Variants in SLC22A11 observed in about 807,000 individuals in gnomAD.
SLC22A11 encodes the protein solute carrier family 22 member 11.
In SLC22A11, 42 loss-of-function variants were observed where a neutral mutation model predicts 49.4. The ratio of observed to expected loss-of-function variants is 0.85; its 90% CI spans 0.66 to 1.10. The LOEUF (loss-of-function observed/expected upper bound fraction) is 1.10, where lower values mean the gene tolerates loss of function less well. SLC22A11 is among the 50% of genes least tolerant of loss of function. The probability of loss-of-function intolerance (pLI) is 0.00; values close to 1 mark genes in which losing one functional copy is unlikely to be tolerated. For missense variants in SLC22A11, 685 were observed against 731.6 expected, an observed-to-expected ratio of 0.94 and a Z score of 0.74; for synonymous variants, 304 against 315.8, an observed-to-expected ratio of 0.96 and a Z score of 0.40.
rs535444153 is a variant in SLC22A11 at position 64,570,840 on chromosome 11, C to T, written c.1590-139C>T. ...ACCTACTATGTTTCAGGCACTGTCC[C>T]GCTTGGGTACACAGAAGGGAGTAAA... is the stretch of plus-strand genomic sequence containing the variant. On this transcript the variant is annotated intron_variant, in intron 9 of 9. Transcript: ENST00000301891. The T allele has an allele frequency of 1.2e-5, 9 of 723,566 alleles. No homozygotes were observed. The Admixed American group carries it at 1.2e-4, about 10-fold the overall frequency. The allele number at this position is 723,566 out of a possible 1,614,324, so 44.8% of individuals were successfully genotyped here.
rs2038680496 is a variant in SLC22A11 at position 64,569,819 on chromosome 11, G to A, written c.1550G>A (p.Gly517Glu). 8.7e-6 allele frequency: 14 copies of A among 1,613,722 alleles called. No homozygotes were observed. Among genetic ancestry groups the A allele is most frequent in the Non-Finnish European group, 1.2e-5 (14 of 1,180,042 alleles). ...VVLFFLPETQ[G>E]LPLPDTIQDL... ...CTGTTCTTCCTCCCGGAGACCCAGGGACTTCCGCTCCCTGACACTATCCAG... is the reference window on the plus strand; with the variant it reads ...CTGTTCTTCCTCCCGGAGACCCAGGAACTTCCGCTCCCTGACACTATCCAG... Residue 517 changes from glycine (G) to glutamate (E), a missense_variant, in exon 9 of 10, where the codon GGA becomes GAA. Gly to Glu is a moderately conservative substitution (Grantham distance 98). Transcript: ENST00000301891.
intron 6 of SLC22A11, 72 bp from the exon 7 acceptor site, chr11:64,567,527 G>A (rs1010680752): frequency 2.8e-6 from 4 of 1,413,502 alleles, no homozygotes; most frequent in East Asian, 2.3e-5. Context: ...AGCTCCTGGT[G>A]GGAGGTGCTG....
chr11:64,566,229 G>A (rs1404896602), intron 6 of SLC22A11: 1 of 151,732 alleles, frequency 6.6e-6, no homozygotes, highest in African/African-American at 2.4e-5. Flanking sequence ...CTGGGCGACA[G>A]GGCAAGATTC....
Position 64,559,250 on chromosome 11 carries a change from C to T in SLC22A11, c.497+12C>T, listed in dbSNP as rs757786480. ...CTCCTCTCCTACCGGTGAGTGCCTC[C>T]GCTCCTCCCAGCCCCCAGCTCCCTC... is the stretch of plus-strand genomic sequence containing the variant. On this transcript the variant is annotated intron_variant, in intron 2 of 9. Transcript: ENST00000301891. 3.3e-5 allele frequency: 52 copies of T among 1,559,324 alleles called. No individual in the cohort carries two copies. The highest frequency in any genetic ancestry group is 1.7e-4 in the Middle Eastern group (1 of 5,866).
chr11:64,556,461 G>A, intron 1 of SLC22A11, 69 bp downstream of exon 1: 1 of 1,565,784 alleles, frequency 6.4e-7, no homozygotes, highest in Admixed American at 1.8e-5. Flanking sequence ...CAGGTTGGTT[G>A]GACTCCAAGG....
At position 64,562,349 on chromosome 11, in the gene SLC22A11, G is replaced by A. The variant is rs149251529; in HGVS notation, c.735G>A (p.Leu245=). ...CCTTCAGCGCAGGCCAGGCGGCGCT[G>A]GGCGGCCTGGCCTTTGCCCTGCGGG... ...GCAFSAGQAA[L]GGLAFALRDW... is the part of the protein sequence containing the mutation. Residue 245 remains leucine, a synonymous_variant, in exon 4 of 10, where the codon CTG becomes CTA. Transcript: ENST00000301891. The surrounding 1 kb of genome is among the most constrained non-coding windows in gnomAD (Gnocchi z 4.4). The A allele has an allele frequency of 4.3e-6, 7 of 1,611,408 alleles. No individual in the cohort carries two copies. The highest frequency in any genetic ancestry group is 5.9e-6 in the Non-Finnish European group (7 of 1,178,966).
intron 7 of SLC22A11, among the ~76,000 whole-genome samples, chr11:64,568,069 T>G (rs1157881252): frequency 6.6e-6 from 1 of 152,214 alleles, no homozygotes; most frequent in Non-Finnish European, 1.5e-5. Flanking sequence ...GAGGCTGCCT[T>G]GCGGCTGGCA....
chr11:64,572,714 A>G lies in SLC22A11; in HGVS notation c.*1672A>G, dbSNP rs2038719680. On this transcript the variant is annotated 3_prime_UTR_variant, in exon 10 of 10. Coordinates refer to ENST00000301891, the MANE Select transcript of SLC22A11 (RefSeq NM_018484.4). ...CCAAACCAAATCCCTCCCTGCTGAAAGCCCTCCAGTGGCTCACAATAAGGA... is the reference window on the plus strand; with the variant it reads ...CCAAACCAAATCCCTCCCTGCTGAAGGCCCTCCAGTGGCTCACAATAAGGA... 1 of 152,210 alleles carries G rather than the reference A, an allele frequency of 6.6e-6. No homozygotes were observed. Among genetic ancestry groups the G allele is most frequent in the South Asian group, 2.1e-4 (1 of 4,832 alleles). 9.4% of individuals were successfully genotyped at this position (152,210 alleles called of 1,614,324 possible).
intron 9 of SLC22A11, 85 bp from the exon 10 acceptor site, chr11:64,570,894 A>T (rs1156827744): frequency 7.4e-7 from 1 of 1,357,042 alleles, no homozygotes; most frequent in African/African-American, 1.4e-5. Context: ...TTACCCCCCA[A>T]TAAGACTTGA....
chr11:64,559,322 C>T (rs993108693), intron 2 of SLC22A11, 84 bp downstream of exon 2: 23 of 1,104,560 alleles, frequency 2.1e-5, no homozygotes, highest in East Asian at 1.4e-4. Context: ...AAATGTCAGG[C>T]AAACACCCCA....
At chr11:64,558,168 G>A (rs948475203) in intron 1 of SLC22A11, among the ~76,000 whole-genome samples, 15 of 152,094 alleles carry the variant, frequency 9.9e-5, no homozygotes, top group Admixed American at 2.0e-4. Context: ...TTCCTGAGCC[G>A]AAAGGATCCT....
In SLC22A11 at chr11:64,571,316, G is replaced by A. The variant is rs1326837568; in HGVS notation, c.*274G>A. Reference sequence around the variant, plus strand: ...GGCCATGCCCAACCAATAACGAGACGGTTCCCCTCCCTTTCCCTGCCAGGC... The same window carrying A: ...GGCCATGCCCAACCAATAACGAGACAGTTCCCCTCCCTTTCCCTGCCAGGC... On this transcript the variant is annotated 3_prime_UTR_variant, in exon 10 of 10. Transcript: ENST00000301891. 2.0e-5 allele frequency: 9 copies of A among 450,482 alleles called. No homozygotes were observed. The East Asian group carries it at 2.3e-4, about 11-fold the overall frequency. 27.9% of individuals were successfully genotyped at this position (450,482 alleles called of 1,614,324 possible).
In SLC22A11 at chr11:64,565,806, G is replaced by A; in HGVS notation, c.1058+469G>A. On this transcript the variant is annotated intron_variant, in intron 6 of 9. Coordinates refer to ENST00000301891, the MANE Select transcript of SLC22A11 (RefSeq NM_018484.4). The surrounding 1 kb of genome is among the most constrained non-coding windows in gnomAD (Gnocchi z 4.1). ...TGATGGGGAAAGAGGATCCCAGAGGGGTAAGGAACAAGCCCAAAATAATAG... is the reference window on the plus strand; with the variant it reads ...TGATGGGGAAAGAGGATCCCAGAGGAGTAAGGAACAAGCCCAAAATAATAG... The A allele has an allele frequency of 3.0e-6, 1 of 335,792 alleles. No individual in the cohort carries two copies. Among genetic ancestry groups the A allele is most frequent in the South Asian group, 2.4e-5 (1 of 41,594 alleles). The allele number at this position is 335,792 out of a possible 1,614,324, so 20.8% of individuals were successfully genotyped here. A position where few individuals can be genotyped will look rare whatever the true frequency, so the allele number is the denominator to read the frequency against.
At chr11:64,569,348 T>A (rs960696244) in intron 8 of SLC22A11, among the ~76,000 whole-genome samples, 2 of 152,148 alleles carry the variant, frequency 1.3e-5, no homozygotes, top group Non-Finnish European at 2.9e-5. Flanking sequence ...GGACAAGCAT[T>A]TATTGATTTT....
In SLC22A11 at chr11:64,564,767, A is replaced by T. The variant is rs1591375107; in HGVS notation, c.942+339A>T. On this transcript the variant is annotated intron_variant, in intron 5 of 9. Coordinates refer to ENST00000301891, the MANE Select transcript of SLC22A11 (RefSeq NM_018484.4). The surrounding 1 kb of genome is among the most constrained non-coding windows in gnomAD (Gnocchi z 4.2). ...CTCCACCACCTTCACCACCATCGTC[A>T]CCATCGGTAACAGCACCATCATTAT... Among the ~76,000 whole-genome samples, 4 of 151,976 alleles carry T rather than the reference A, an allele frequency of 2.6e-5. No individual in the cohort carries two copies. Among genetic ancestry groups the T allele is most frequent in the Admixed American group, 1.3e-4 (2 of 15,258 alleles).
chr11:64,557,782 C>T (rs995678639), intron 1 of SLC22A11, among the ~76,000 whole-genome samples: 3 of 150,248 alleles, frequency 2.0e-5, no homozygotes, highest in Non-Finnish European at 4.4e-5. Context: ...TAGGCACATA[C>T]CACCATGCCC....
Position 64,564,498 on chromosome 11 carries a change from C to T in SLC22A11, c.942+70C>T. ...CACTGAGGGATCATCCGTGTGGCCT[C>T]CAACAGCACCACCCACTCCAGCACC... On this transcript the variant is annotated intron_variant, in intron 5 of 9. Coordinates refer to ENST00000301891, the MANE Select transcript of SLC22A11 (RefSeq NM_018484.4). This position sits in a 1 kb window ranked among gnomAD's most constrained non-coding sequence, Gnocchi z 4.2. 1.3e-6 allele frequency: 2 copies of T among 1,572,252 alleles called. No homozygotes were observed. Among genetic ancestry groups the T allele is most frequent in the Middle Eastern group, 1.8e-4 (1 of 5,592 alleles).
rs201031658 is a variant in SLC22A11 at position 64,562,073 on chromosome 11, C to T, written c.567C>T (p.Phe189=). The T allele has an allele frequency of 6.6e-5, 106 of 1,613,850 alleles. No homozygotes were observed. Among genetic ancestry groups the T allele is most frequent in the Middle Eastern group, 1.7e-4 (1 of 6,060 alleles). Residue 189 remains phenylalanine (F), a synonymous_variant, in exon 3 of 10, where the codon TTC becomes TTT. Coordinates refer to ENST00000301891, the MANE Select transcript of SLC22A11 (RefSeq NM_018484.4). This position sits in a 1 kb window ranked among gnomAD's most constrained non-coding sequence, Gnocchi z 4.4. The stretch of plus-strand genomic sequence containing the variant: ...CCGTGGCGGGCACCAGCACCATCTT[C>T]GCCCCAACATTCGTCATCTACTGCG... The part of the protein sequence containing the change: ...QLAVAGTSTI[F]APTFVIYCGL...
Position 64,567,655 on chromosome 11 carries a change from G to A in SLC22A11, c.1115G>A (p.Arg372His), listed in dbSNP as rs2038645234. 1.9e-6 allele frequency: 3 copies of A among 1,614,124 alleles called. No homozygotes were observed. The highest frequency in any genetic ancestry group is 2.2e-5 in the East Asian group (1 of 44,886). The part of the protein sequence containing the change: ...GLVFDLQSLG[R>H]DIFLLQALFG... ...GTCTTCGACCTGCAGAGCCTGGGCC[G>A]TGACATCTTCCTCCTCCAGGCCCTC... The change falls in exon 7 of 10, where the codon CGT becomes CAT. Residue 372 changes from arginine to histidine, a missense_variant. Physicochemically the swap from Arg to His is conservative, Grantham distance 29. Transcript: ENST00000301891.
Sources: gnomAD v4.1 joint callset for allele counts (sites outside exome capture counted in the v4.1 genomes callset) on GRCh38, gnomAD v4.1.1 for gene constraint, Gnocchi (gnomAD v3.1) non-coding constraint, MANE v1.5 for transcripts, NCBI Gene and HGNC (gene_info 2026-07-23, HGNC 2026-07-21) for gene names.